Variants in DTNA observed in about 807,000 individuals in gnomAD.
The protein encoded by DTNA is dystrophin-related protein 3.
In DTNA, 43 loss-of-function variants were observed where a neutral mutation model predicts 100.7. That is an observed-to-expected ratio of 0.43 (90% CI 0.33 to 0.55). The LOEUF (loss-of-function observed/expected upper bound fraction) is 0.55. Among genes scored for constraint, DTNA ranks in the 20% least tolerant of loss-of-function variants. The pLI, the probability that DTNA is intolerant of heterozygous loss-of-function variation, is 0.04. For synonymous variants in DTNA, 349 were observed against 347.9 expected, an observed-to-expected ratio of 1.00 and a Z score of -0.04; for missense variants, 798 against 953.9, an observed-to-expected ratio of 0.84 and a Z score of 2.15.
At chr18:34,867,366 T>C (rs2096716820) in intron 17 of DTNA, 1 of 1,229,750 alleles carries the variant, frequency 8.1e-7, no homozygotes, top group Non-Finnish European at 1.0e-6. Context: ...AAAATTACTT[T>C]ACTAAATTAA....
chr18:34,669,355 A>C (rs544277842), intron 1 of DTNA, among the ~76,000 whole-genome samples: 48 of 152,250 alleles, frequency 3.2e-4, no homozygotes, highest in African/African-American at 1.1e-3. Flanking sequence ...AATACAGTAC[A>C]CTGGTGGGTC....
intron 1 of DTNA, among the ~76,000 whole-genome samples, chr18:34,652,545 T>C (rs1373165816): frequency 6.6e-6 from 1 of 152,220 alleles, no homozygotes; most frequent in Non-Finnish European, 1.5e-5. Context: ...CATTGTGAGC[T>C]ATCACCCTTC....
At chr18:34,543,114 T>C (rs1568620556) in intron 1 of DTNA, among the ~76,000 whole-genome samples, 1 of 152,070 alleles carries the variant, frequency 6.6e-6, no homozygotes, top group East Asian at 1.9e-4. Flanking sequence ...ATCTCACTTG[T>C]AGCTTTAATA....
chr18:34,607,636 G>A (rs2053404642), intron 1 of DTNA, among the ~76,000 whole-genome samples: 1 of 152,194 alleles, frequency 6.6e-6, no homozygotes. Flanking sequence ...AGACATGGGA[G>A]AAAATGTTTG....
chr18:34,719,920 C>T (rs1245244206), intron 1 of DTNA, among the ~76,000 whole-genome samples: 1 of 152,162 alleles, frequency 6.6e-6, no homozygotes. Context: ...ATGGCTCTGA[C>T]CTTCTGACAG....
At chr18:34,833,959 C>T (rs919985961) in intron 11 of DTNA, among the ~76,000 whole-genome samples, 1 of 152,210 alleles carries the variant, frequency 6.6e-6, no homozygotes, top group Non-Finnish European at 1.5e-5. Context: ...GCTGGAAGCA[C>T]TCTTTCCTTA....
intron 1 of DTNA, among the ~76,000 whole-genome samples, chr18:34,735,954 A>G (rs1381833906): frequency 6.6e-6 from 1 of 151,764 alleles, no homozygotes; most frequent in Non-Finnish European, 1.5e-5. Context: ...TCCTCACCCA[A>G]CTCACCCCCA....
At chr18:34,504,780 T>G (rs1394563618) in intron 1 of DTNA, among the ~76,000 whole-genome samples, 3 of 152,216 alleles carry the variant, frequency 2.0e-5, no homozygotes, top group African/African-American at 7.2e-5. Context: ...TTAATTTTCA[T>G]AAATGTGACT....
intron 1 of DTNA, among the ~76,000 whole-genome samples, chr18:34,735,516 T>C (rs1309382508): frequency 6.6e-6 from 1 of 152,166 alleles, no homozygotes; most frequent in Non-Finnish European, 1.5e-5. Flanking sequence ...CGAAGACATT[T>C]TTTAATGGAT....
At chr18:34,844,593 G>A (rs1013646243) in intron 13 of DTNA, among the ~76,000 whole-genome samples, 1 of 152,062 alleles carries the variant, frequency 6.6e-6, no homozygotes, top group Non-Finnish European at 1.5e-5. Flanking sequence ...CATGAAACTC[G>A]ATGGCCTTCT....
intron 2 of DTNA, among the ~76,000 whole-genome samples, chr18:34,762,840 A>G (rs1438097969): frequency 6.6e-6 from 1 of 152,212 alleles, no homozygotes; most frequent in Non-Finnish European, 1.5e-5. Context: ...TGATTCTTGA[A>G]CAAAACACAG....
chr18:34,762,101 A>T (rs955893940), intron 2 of DTNA, among the ~76,000 whole-genome samples: 1 of 152,218 alleles, frequency 6.6e-6, no homozygotes, highest in Admixed American at 6.5e-5. Context: ...ATATCAACAT[A>T]CTAAAAGCAA....
chr18:34,690,463 C>A (rs998716609), intron 1 of DTNA, among the ~76,000 whole-genome samples: 2 of 152,130 alleles, frequency 1.3e-5, no homozygotes, highest in Non-Finnish European at 2.9e-5. Context: ...GTGGGCTATA[C>A]CCACTGTCTA....
intron 21 of DTNA, among the ~76,000 whole-genome samples, chr18:34,884,460 G>GA (rs1408799511): frequency 6.6e-6 from 1 of 152,160 alleles, no homozygotes; most frequent in Non-Finnish European, 1.5e-5. Flanking sequence ...TGACTTCCAA[G>GA]AAAAGGACAG....
chr18:34,891,282 G>C lies in DTNA; in HGVS notation c.*3548G>C, dbSNP rs1007410145. ...AGTATTGTTTTGTGTGTGTGTGTGT[G>C]TGTGTGTGTTGGAACCTCCTGGGGA... On this transcript the variant is annotated 3_prime_UTR_variant, in exon 23 of 23. Coordinates refer to ENST00000444659, the MANE Select transcript of DTNA (RefSeq NM_001386795.1). 1 of 152,650 alleles carries C rather than the reference G, an allele frequency of 6.6e-6. No individual in the cohort carries two copies. Among genetic ancestry groups the C allele is most frequent in the South Asian group, 2.1e-4 (1 of 4,828 alleles). The allele number at this position is 152,650 out of a possible 1,614,324, so 9.5% of individuals were successfully genotyped here.
chr18:34,866,460 C>T (rs969433123), intron 17 of DTNA: 1 of 1,243,158 alleles, frequency 8.0e-7, no homozygotes. Flanking sequence ...TTGATCAGAC[C>T]CTTCTCTTAA....
intron 1 of DTNA, among the ~76,000 whole-genome samples, chr18:34,568,468 A>G (rs1598633622): frequency 6.6e-6 from 1 of 152,102 alleles, no homozygotes; most frequent in Non-Finnish European, 1.5e-5. Context: ...TCTGCCACTC[A>G]TCTTCATTTT....
chr18:34,633,896 T>G (rs1366951807), intron 1 of DTNA, among the ~76,000 whole-genome samples: 1 of 152,174 alleles, frequency 6.6e-6, no homozygotes, highest in East Asian at 1.9e-4. Context: ...TCTGTGGGCT[T>G]AAGTAGGAAT....
In DTNA at chr18:34,794,076, G is replaced by A. The variant is rs766420415; in HGVS notation, c.188G>A (p.Arg63Gln). ...ATATGGAATGTCATAGAAGCATTGC[G>A]GGAAAATGCTCTGAACAACCTGGAC... is the stretch of plus-strand genomic sequence containing the variant. ...VDIWNVIEALRENALNNLDPN... is the reference protein window; with the variant it reads ...VDIWNVIEALQENALNNLDPN... Residue 63 changes from arginine (R) to glutamine (Q), a missense_variant, in exon 4 of 23, where the codon CGG becomes CAG. Arg to Gln is a conservative substitution (Grantham distance 43). Around this residue, in one of 6 missense-constraint regions of DTNA, gnomAD observed 197 missense variants for 215.4 expected, o/e 0.91. Coordinates refer to ENST00000444659, the MANE Select transcript of DTNA (RefSeq NM_001386795.1). 1.1e-5 allele frequency: 17 copies of A among 1,614,046 alleles called. No individual in the cohort carries two copies. The highest frequency in any genetic ancestry group is 1.7e-4 in the Middle Eastern group (1 of 6,060).
Sources: gnomAD v4.1 joint callset for allele counts (sites outside exome capture counted in the v4.1 genomes callset) on GRCh38, gnomAD v4.1.1 for gene constraint, gnomAD v4.1.1 regional missense constraint, MANE v1.5 for transcripts, NCBI Gene and HGNC (gene_info 2026-07-23, HGNC 2026-07-21) for gene names.